RHOBTB1: variants seen among roughly 807,000 people sequenced by gnomAD.
RHOBTB1 encodes rho-related BTB domain-containing protein 1.
Under a neutral mutation model 71.6 loss-of-function variants are expected in RHOBTB1, and 40 were observed. That is an observed-to-expected ratio of 0.56 (90% CI 0.43 to 0.73). RHOBTB1 has a LOEUF of 0.73. RHOBTB1 is among the 30% of genes least tolerant of loss of function. The pLI, the probability that RHOBTB1 is intolerant of heterozygous loss-of-function variation, is 0.00. For missense variants in RHOBTB1, 797 were observed against 894.0 expected (o/e 0.89, Z 1.38); for synonymous variants, 319 against 334.9 (o/e 0.95, Z 0.52).
chr10:60,987,061 A>G (rs1369714280), intron 1 of RHOBTB1, among the ~76,000 whole-genome samples: 2 of 152,224 alleles, frequency 1.3e-5, no homozygotes, highest in African/African-American at 4.8e-5. Context: ...GGACAGCTGC[A>G]CAGCCCATTT....
downstream of RHOBTB1, among the ~76,000 whole-genome samples, chr10:60,864,519 T>C (rs2080628858): frequency 6.6e-6 from 1 of 152,168 alleles, no homozygotes; most frequent in African/African-American, 2.4e-5. Context: ...CTGGGGTAAC[T>C]ATGTAACTAT....
chr10:60,884,972 A>T (rs1247096979), intron 7 of RHOBTB1, among the ~76,000 whole-genome samples: 1 of 151,784 alleles, frequency 6.6e-6, no homozygotes, highest in Non-Finnish European at 1.5e-5. Context: ...GGGGTGGAGT[A>T]CAGTGGCACA....
intron 2 of RHOBTB1, among the ~76,000 whole-genome samples, chr10:60,977,663 T>C (rs2086360441): frequency 6.6e-6 from 1 of 152,104 alleles, no homozygotes; most frequent in Admixed American, 6.6e-5. Flanking sequence ...AGATGCCATG[T>C]GGTCATTTTA....
At chr10:60,945,623 G>A (rs374303226), upstream of RHOBTB1, among the ~76,000 whole-genome samples, 298 of 152,306 alleles carry the variant, frequency 2.0e-3, 1 homozygote, top group African/African-American at 6.1e-3. Flanking sequence ...TCACTTGCTT[G>A]TATTCTCTTG....
chr10:60,894,423 G>A (rs1376183033), intron 4 of RHOBTB1, among the ~76,000 whole-genome samples: 6 of 152,104 alleles, frequency 3.9e-5, no homozygotes, highest in Non-Finnish European at 8.8e-5. Context: ...TGGATGCTGG[G>A]ATAATATGAG....
At chr10:60,873,714 C>T (rs572928879) in intron 9 of RHOBTB1, among the ~76,000 whole-genome samples, 1 of 152,222 alleles carries the variant, frequency 6.6e-6, no homozygotes, top group Non-Finnish European at 1.5e-5. Flanking sequence ...GTGTGAACAA[C>T]CAGTTTTGAT....
At chr10:60,966,956 A>C (rs2085984577) in intron 2 of RHOBTB1, among the ~76,000 whole-genome samples, 1 of 151,794 alleles carries the variant, frequency 6.6e-6, no homozygotes, top group South Asian at 2.1e-4. Flanking sequence ...AAGTGTAAGC[A>C]CGACAAAGTT....
intron 5 of RHOBTB1, among the ~76,000 whole-genome samples, chr10:60,890,367 C>A (rs1268614275): frequency 6.6e-6 from 1 of 152,104 alleles, no homozygotes; most frequent in East Asian, 1.9e-4. Flanking sequence ...CAACTATGAC[C>A]TGGCGGCAGT....
chr10:60,969,589 G>A (rs957274414), intron 2 of RHOBTB1, among the ~76,000 whole-genome samples: 2 of 151,958 alleles, frequency 1.3e-5, no homozygotes, highest in Admixed American at 6.6e-5. Context: ...TAGAGAGACA[G>A]ATTATGGCTC....
intron 2 of RHOBTB1, among the ~76,000 whole-genome samples, chr10:60,935,427 C>T (rs941985815): frequency 6.6e-6 from 1 of 152,008 alleles, no homozygotes; most frequent in Admixed American, 6.6e-5. Context: ...TTTAGGAAAA[C>T]TTTTTGTTAT....
chr10:60,953,071 G>T (rs1287267495), intron 2 of RHOBTB1, among the ~76,000 whole-genome samples: 9 of 152,264 alleles, frequency 5.9e-5, no homozygotes, highest in African/African-American at 2.2e-4. Flanking sequence ...TGCCAGCAAG[G>T]TCAGGTTGAT....
intron 2 of RHOBTB1, among the ~76,000 whole-genome samples, chr10:60,953,118 G>A (rs1195690754): frequency 3.3e-5 from 5 of 152,134 alleles, no homozygotes; most frequent in Non-Finnish European, 5.9e-5. Flanking sequence ...AAAACACACA[G>A]CCCATTTCAA....
chr10:60,899,237 C>G lies in RHOBTB1; in HGVS notation c.297-6242G>C, dbSNP rs536851156. ...AAAAGAAACAGCTTAAACAGTCCTA[C>G]TTAACTCCTGGTCAACGAATGCAGG... On this transcript the variant is annotated intron_variant, in intron 4 of 10. Transcript: ENST00000337910. Among the ~76,000 whole-genome samples the G allele has an allele frequency of 2.0e-5, 3 of 152,302 alleles. No individual in the cohort carries two copies. In the South Asian group the frequency reaches 6.2e-4, roughly 32 times the overall value.
upstream of RHOBTB1, among the ~76,000 whole-genome samples, chr10:60,947,215 T>C (rs552748216): frequency 7.2e-4 from 110 of 152,354 alleles, no homozygotes; most frequent in Non-Finnish European, 1.3e-3. Flanking sequence ...CATTTTTGTA[T>C]ACTAAAATCA....
chr10:61,001,102 G>C (rs1371573809), intron 1 of RHOBTB1, among the ~76,000 whole-genome samples: 1 of 151,944 alleles, frequency 6.6e-6, no homozygotes, highest in Non-Finnish European at 1.5e-5. Flanking sequence ...GTGTGTGCTG[G>C]GGGACGCTTA....
downstream of RHOBTB1, among the ~76,000 whole-genome samples, chr10:60,864,759 C>T (rs887659893): frequency 1.3e-5 from 2 of 151,540 alleles, no homozygotes; most frequent in Admixed American, 6.6e-5. Context: ...GTAGTGGGAT[C>T]TCGGCTCACT....
the RHOBTB1 span, among the ~76,000 whole-genome samples, chr10:60,862,813 TTCTC>T: frequency 3.3e-5 from 5 of 150,426 alleles, no homozygotes; most frequent in Admixed American, 6.6e-5. Flanking sequence ...TTCCTTTCTT[TTCTC>T]TCTTTCATTC....
At chr10:60,895,683 C>G (rs1369976658) in intron 4 of RHOBTB1, among the ~76,000 whole-genome samples, 4 of 152,250 alleles carry the variant, frequency 2.6e-5, no homozygotes, top group Non-Finnish European at 5.9e-5. Flanking sequence ...GGATTACAGG[C>G]GCAAGCCACC....
intron 4 of RHOBTB1, among the ~76,000 whole-genome samples, chr10:60,897,717 T>A (rs1367246277): frequency 1.3e-5 from 2 of 152,162 alleles, no homozygotes; most frequent in African/African-American, 4.8e-5. Context: ...ACATATAATT[T>A]TTTTTTTGAG....
Sources: allele counts gnomAD v4.1 joint callset (sites outside exome capture counted in the v4.1 genomes callset), GRCh38; gene constraint gnomAD v4.1.1; transcripts MANE v1.5; gene names NCBI Gene and HGNC (gene_info 2026-07-23, HGNC 2026-07-21).